The following SUV39H1 variants were observed in gnomAD, a reference collection of about 807,000 sequenced individuals.
SUV39H1 encodes the protein SUV39H1 histone lysine methyltransferase.
For missense variants in SUV39H1, 180 were observed against 386.3 expected, an observed-to-expected ratio of 0.47 and a Z score of 4.48; for synonymous variants, 141 against 150.5, an observed-to-expected ratio of 0.94 and a Z score of 0.46.
At chrX:48,702,799 C>T (rs2062479118) in intron 3 of SUV39H1, among the ~76,000 whole-genome samples, 1 of 111,519 alleles carries the variant, frequency 9.0e-6, no homozygotes, top group South Asian at 3.7e-4. Context: ...TCCACACATT[C>T]TTGCTGCACT....
upstream of SUV39H1, chrX:48,695,584 C>T: frequency 9.3e-7 from 1 of 1,079,481 alleles, no homozygotes; most frequent in Non-Finnish European, 1.2e-6. Flanking sequence ...CGAATCACAG[C>T]ATGCTGGAGG....
upstream of SUV39H1, chrX:48,695,890 C>G: frequency 3.5e-6 from 4 of 1,155,767 alleles, no homozygotes; most frequent in Non-Finnish European, 4.6e-6. Context: ...GAGGCTTAAT[C>G]CTACCTCTAG....
Position 48,698,979 on chromosome X carries a change from C to T in SUV39H1, c.97C>T (p.Leu33Phe). 8.3e-7 allele frequency: 1 copy of T among 1,210,324 alleles called. No homozygotes were observed. The highest frequency in any genetic ancestry group is 1.1e-6 in the Non-Finnish European group (1 of 894,798). Reference sequence around the variant, plus strand: ...CCTGGCCAAGCTCTCCTGCCCTGCCCTCGGTATCTCTAAGAGGAACCTCTA... The same window carrying T: ...CCTGGCCAAGCTCTCCTGCCCTGCCTTCGGTATCTCTAAGAGGAACCTCTA... Reference protein sequence around the residue: ...CRLAKLSCPALGISKRNLYDF... With the variant: ...CRLAKLSCPAFGISKRNLYDF... The change falls in exon 2 of 6, where the codon CTC (leucine) becomes TTC (phenylalanine). Residue 33 changes from leucine to phenylalanine, a missense_variant. Leu to Phe is a conservative substitution (Grantham distance 22, BLOSUM62 0). Transcript: ENST00000376687.
chrX:48,706,677 C>A (rs781885078), intron 5 of SUV39H1, 50 bp downstream of exon 5: 1 of 1,152,108 alleles, frequency 8.7e-7, no homozygotes, highest in Non-Finnish European at 1.2e-6. Flanking sequence ...ACTTGGGACA[C>A]AAGGACCCCT....
chrX:48,707,999 G>A lies in SUV39H1; in HGVS notation c.*429G>A, dbSNP rs2062497305. ...GGTATGGGGAAGCAACCCCAGAGCAGGCAGACATCAGAGGCCAGAGTGCCT... is the reference window on the plus strand; with the variant it reads ...GGTATGGGGAAGCAACCCCAGAGCAAGCAGACATCAGAGGCCAGAGTGCCT... On this transcript the variant is annotated 3_prime_UTR_variant, in exon 6 of 6. Coordinates refer to ENST00000376687, the MANE Select transcript of SUV39H1 (RefSeq NM_003173.4). 4.1e-6 allele frequency: 1 copy of A among 242,379 alleles called. No homozygotes were observed. The allele number at this position is 242,379 out of a possible 1,213,427, so 20.0% of individuals were successfully genotyped here. A position where few individuals can be genotyped will look rare whatever the true frequency, so the allele number is the denominator to read the frequency against.
intron 1 of SUV39H1, among the ~76,000 whole-genome samples, chrX:48,698,244 C>T (rs2062462883): frequency 8.9e-6 from 1 of 112,142 alleles, no homozygotes; most frequent in Non-Finnish European, 1.9e-5. Flanking sequence ...CTCTATTTCT[C>T]CTATTTAATG....
chrX:48,708,130 G>T lies in SUV39H1; in HGVS notation c.*560G>T. Reference sequence around the variant, plus strand: ...GCTGGTTTCTGCTCGTGCTTACAGTGCTGGGTAGTGTTGGCCCTAAGAGCT... The same window carrying T: ...GCTGGTTTCTGCTCGTGCTTACAGTTCTGGGTAGTGTTGGCCCTAAGAGCT... On this transcript the variant is annotated 3_prime_UTR_variant, in exon 6 of 6. Transcript: ENST00000376687. The T allele has an allele frequency of 5.3e-6, 1 of 190,372 alleles. No homozygotes were observed. Among genetic ancestry groups the T allele is most frequent in the Non-Finnish European group, 9.8e-6 (1 of 102,319 alleles). 15.7% of individuals were successfully genotyped at this position (190,372 alleles called of 1,213,427 possible). A position where few individuals can be genotyped will look rare whatever the true frequency, so the allele number is the denominator to read the frequency against.
chrX:48,700,375 G>A lies in SUV39H1; in HGVS notation c.450G>A (p.Glu150=). The change falls in exon 3 of 6, where the codon GAG becomes GAA. Residue 150 remains glutamate, a synonymous_variant. Coordinates refer to ENST00000376687, the MANE Select transcript of SUV39H1 (RefSeq NM_003173.4). ...SHLGRITVEN[E]VDLDGPPRAF... is the part of the protein sequence containing the mutation. ...TGGGACGCATCACTGTAGAGAATGA[G>A]GTGGACCTGGACGGCCCTCCGCGGG... The A allele has an allele frequency of 5.8e-6, 7 of 1,212,271 alleles. No individual in the cohort carries two copies. Among genetic ancestry groups the A allele is most frequent in the Non-Finnish European group, 7.8e-6 (7 of 895,626 alleles).
Position 48,698,962 on chromosome X carries a change from A to G in SUV39H1, c.80A>G (p.Lys27Arg), listed in dbSNP as rs371525728. Residue 27 changes from lysine (K) to arginine (R), a missense_variant, in exon 2 of 6, where the codon AAG becomes AGG. Coordinates refer to ENST00000376687, the MANE Select transcript of SUV39H1 (RefSeq NM_003173.4). ...CTGCAGGACCTGTGCCGCCTGGCCA[A>G]GCTCTCCTGCCCTGCCCTCGGTATC... ...NQLQDLCRLAKLSCPALGISK... is the reference protein window; with the variant it reads ...NQLQDLCRLARLSCPALGISK... The G allele has an allele frequency of 5.0e-6, 6 of 1,208,636 alleles. No homozygotes were observed. The highest frequency in any genetic ancestry group is 1.8e-5 in the South Asian group (1 of 56,470).
At chrX:48,695,988 A>G, upstream of SUV39H1, 1 of 1,004,605 alleles carries the variant, frequency 1.0e-6, no homozygotes, top group Non-Finnish European at 1.4e-6. Context: ...AAAGACAGTG[A>G]CCAACTGATA....
chrX:48,707,349 GCCTCCTTCCCTACCTTCCTCCCTC>G, intron 5 of SUV39H1, 64 bp from the exon 6 acceptor site: 1 of 999,568 alleles, frequency 1.0e-6, no homozygotes, highest in Non-Finnish European at 1.4e-6. Flanking sequence ...CAAGTCCCCT[GCCTCCTTCCCTACCTTCCTCCCTC>G]CCTCCTTCTC....
At position 48,707,701 on chromosome X, in the gene SUV39H1, T is replaced by C. The variant is rs782580292; in HGVS notation, c.*131T>C. On this transcript the variant is annotated 3_prime_UTR_variant, in exon 6 of 6. Transcript: ENST00000376687. ...CCACCTGCCCCCACCTGCTCCTACC[T>C]GCTCTACGTTCAGGGCTGTGGCCGT... is the stretch of plus-strand genomic sequence containing the variant. 1 of 841,631 alleles carries C rather than the reference T, an allele frequency of 1.2e-6. No homozygotes were observed. The highest frequency in any genetic ancestry group is 2.2e-5 in the South Asian group (1 of 44,990). 69.4% of individuals were successfully genotyped at this position (841,631 alleles called of 1,213,427 possible). A position where few individuals can be genotyped will look rare whatever the true frequency, so the allele number is the denominator to read the frequency against.
At chrX:48,695,897 C>T, upstream of SUV39H1, 2 of 1,155,596 alleles carry the variant, frequency 1.7e-6, no homozygotes, top group Non-Finnish European at 2.3e-6. Flanking sequence ...AATCCTACCT[C>T]TAGTTGCTGT....
chrX:48,704,377 G>A (rs937845455), intron 3 of SUV39H1, among the ~76,000 whole-genome samples: 1 of 111,276 alleles, frequency 9.0e-6, no homozygotes, highest in Non-Finnish European at 1.9e-5. Context: ...GAGGGCCTAC[G>A]GTGAAAAAGA....
rs1370070777 is a variant in SUV39H1 at position 48,707,747 on chromosome X, G to T, written c.*177G>T. On this transcript the variant is annotated 3_prime_UTR_variant, in exon 6 of 6. Coordinates refer to ENST00000376687, the MANE Select transcript of SUV39H1 (RefSeq NM_003173.4). Reference sequence around the variant, plus strand: ...GCCGTGGTGAGGACCGACTCCAGGAGTCCCCTTTCCCTGTCCCAGCCCCAT... The same window carrying T: ...GCCGTGGTGAGGACCGACTCCAGGATTCCCCTTTCCCTGTCCCAGCCCCAT... 1 of 569,702 alleles carries T rather than the reference G, an allele frequency of 1.8e-6. No homozygotes were observed. The highest frequency in any genetic ancestry group is 2.9e-6 in the Non-Finnish European group (1 of 342,284). 46.9% of individuals were successfully genotyped at this position (569,702 alleles called of 1,213,427 possible).
upstream of SUV39H1, chrX:48,695,749 G>A (rs1188037344): frequency 1.3e-5 from 15 of 1,152,054 alleles, no homozygotes; most frequent in Admixed American, 7.8e-5. Flanking sequence ...CTCGATGGCT[G>A]TACGTGGTTA....
chrX:48,695,926 C>T (rs1473652751), upstream of SUV39H1: 12 of 1,141,318 alleles, frequency 1.1e-5, no homozygotes, highest in Non-Finnish European at 1.3e-5. Context: ...GCTTTGAGGG[C>T]CTAGCTGGAT....
At chrX:48,705,524 TC>T (rs1557009998) in intron 3 of SUV39H1, among the ~76,000 whole-genome samples, 2 of 112,666 alleles carry the variant, frequency 1.8e-5, no homozygotes, top group Non-Finnish European at 3.8e-5. Flanking sequence ...GCTTCCCATT[TC>T]CTAGGACAGG....
intron 3 of SUV39H1, 64 bp from the exon 4 acceptor site, chrX:48,706,201 G>A: frequency 8.6e-7 from 1 of 1,163,637 alleles, no homozygotes; most frequent in African/African-American, 1.8e-5. Flanking sequence ...CAGAAGTCAG[G>A]AGCAGTGCCG....
Sources: gnomAD v4.1 joint callset for allele counts (sites outside exome capture counted in the v4.1 genomes callset) on GRCh38, gnomAD v4.1.1 for gene constraint, MANE v1.5 for transcripts, NCBI Gene and HGNC (gene_info 2026-07-23, HGNC 2026-07-21) for gene names.